Variants in PITX1 observed in about 807,000 individuals in gnomAD.
PITX1 encodes paired like homeodomain 1, also known as pituitary homeobox 1.
A neutral mutation model predicts 24.1 loss-of-function variants in PITX1; 5 were observed. The observed-to-expected ratio is 0.21, with a 90% CI of 0.11 to 0.44. PITX1 has a LOEUF of 0.44. Among genes scored for constraint, PITX1 ranks in the 20% least tolerant of loss-of-function variants. PITX1 has a pLI of 0.99. For synonymous variants in PITX1, 213 were observed against 208.9 expected (o/e 1.02, Z -0.17); for missense variants, 401 against 455.4 (o/e 0.88, Z 1.09).
chr5:135,029,178 G>T lies in PITX1; in HGVS notation c.546C>A (p.Asn182Lys). 1 of 1,614,240 alleles carries T rather than the reference G, an allele frequency of 6.2e-7. No individual in the cohort carries two copies. Among genetic ancestry groups the T allele is most frequent in the Non-Finnish European group, 8.5e-7 (1 of 1,180,038 alleles). ...EDVYAAGYSY[N>K]NWAAKSLAPA... The stretch of plus-strand genomic sequence containing the variant: ...GCGCCAGGCTCTTGGCGGCCCAGTT[G>T]TTGTAGGAGTAGCCGGCGGCGTACA... The change falls in exon 3 of 3, where the codon AAC (asparagine) becomes AAA (lysine). Residue 182 changes from asparagine (N) to lysine (K), a missense_variant. By Grantham distance (94) the Asn-to-Lys change is moderately conservative. Transcript: ENST00000265340.
In PITX1 at chr5:135,033,632, G is replaced by T; in HGVS notation, c.169+81C>A. 2 of 1,396,788 alleles carry T rather than the reference G, an allele frequency of 1.4e-6. No homozygotes were observed. The highest frequency in any genetic ancestry group is 2.4e-5 in the East Asian group (1 of 41,120). 86.5% of individuals were successfully genotyped at this position (1,396,788 alleles called of 1,614,324 possible). ...GAGAGGGAGCTTGGTTGCGCGGCGC[G>T]GGCGTCAGGCCCTGCTCCCAGCTCC... On this transcript the variant is annotated intron_variant, in intron 1 of 2. Coordinates refer to ENST00000265340, the MANE Select transcript of PITX1 (RefSeq NM_002653.5). This position sits in a 1 kb window ranked among gnomAD's most constrained non-coding sequence, Gnocchi z 5.9.
Position 135,031,488 on chromosome 5 carries a change from G to T in PITX1, c.190C>A (p.Pro64Thr). ...GCACCACTGTCCTCGGGCCCCTTGG[G>T]TTCCCCGCCGCGCTCCTTCTCTGCA... ...ELPEKERGGE[P>T]KGPEDSGAGG... The change falls in exon 2 of 3, where the codon CCC (proline) becomes ACC (threonine). Residue 64 changes from proline to threonine, a missense_variant. Around this residue, in one of 3 missense-constraint regions of PITX1, gnomAD observed 136 missense variants for 133.3 expected, o/e 1.02. Transcript: ENST00000265340. The T allele has an allele frequency of 1.9e-6, 3 of 1,612,160 alleles. No individual in the cohort carries two copies. Among genetic ancestry groups the T allele is most frequent in the African/African-American group, 1.3e-5 (1 of 75,048 alleles).
At position 135,031,297 on chromosome 5, in the gene PITX1, G is replaced by T. The variant is rs1243111381; in HGVS notation, c.381C>A (p.Asn127Lys). ...SMREEIAVWT[N>K]LTEPRVRVWF... ...TCACCCGCACGCGCGGCTCGGTGAG[G>T]TTGGTCCACACGGCGATCTCCTCCC... Residue 127 changes from asparagine (N) to lysine (K), a missense_variant, in exon 2 of 3, where the codon AAC becomes AAA. Transcript: ENST00000265340. The T allele has an allele frequency of 6.2e-7, 1 of 1,613,930 alleles. No individual in the cohort carries two copies. Among genetic ancestry groups the T allele is most frequent in the Non-Finnish European group, 8.5e-7 (1 of 1,179,906 alleles).
At position 135,034,198 on chromosome 5, in the gene PITX1, G is replaced by A. The variant is rs1213348015; in HGVS notation, c.-317C>T. On this transcript the variant is annotated 5_prime_UTR_variant, in exon 1 of 3. Coordinates refer to ENST00000265340, the MANE Select transcript of PITX1 (RefSeq NM_002653.5). ...CTCGCGATCCGGGGCCGGTTTCTAA[G>A]GCTCCGGACGGCGCCGGCAGAGTCT... 6.6e-6 allele frequency: 1 copy of A among 151,752 alleles called. No homozygotes were observed. The highest frequency in any genetic ancestry group is 1.5e-5 in the Non-Finnish European group (1 of 67,924). The allele number at this position is 151,752 out of a possible 1,614,324, so 9.4% of individuals were successfully genotyped here. A position where few individuals can be genotyped will look rare whatever the true frequency, so the allele number is the denominator to read the frequency against.
In PITX1 at chr5:135,033,907, C is replaced by T; in HGVS notation, c.-26G>A. 1 of 1,347,330 alleles carries T rather than the reference C, an allele frequency of 7.4e-7. No homozygotes were observed. Among genetic ancestry groups the T allele is most frequent in the Non-Finnish European group, 9.5e-7 (1 of 1,056,126 alleles). The allele number at this position is 1,347,330 out of a possible 1,614,324, so 83.5% of individuals were successfully genotyped here. On this transcript the variant is annotated 5_prime_UTR_variant, in exon 1 of 3. Coordinates refer to ENST00000265340, the MANE Select transcript of PITX1 (RefSeq NM_002653.5). This position sits in a 1 kb window ranked among gnomAD's most constrained non-coding sequence, Gnocchi z 5.9. Reference sequence around the variant, plus strand: ...GGAGGTGGGGACCGCGGCGGGCGCTCCAGGGGCCGGGGCTGGGCGCGCCCC... The same window carrying T: ...GGAGGTGGGGACCGCGGCGGGCGCTTCAGGGGCCGGGGCTGGGCGCGCCCC...
Position 135,033,195 on chromosome 5 carries a change from C to G in PITX1, c.169+518G>C, listed in dbSNP as rs1245492711. On this transcript the variant is annotated intron_variant, in intron 1 of 2. Coordinates refer to ENST00000265340, the MANE Select transcript of PITX1 (RefSeq NM_002653.5). The surrounding 1 kb of genome is among the most constrained non-coding windows in gnomAD (Gnocchi z 5.9). ...CTGTTGGCCCGCTCGCCCTCACCGT[C>G]CTCTGTGTCTCCCTTCTACTTGATG... The G allele has an allele frequency of 1.3e-5, 4 of 318,998 alleles. No homozygotes were observed. Among genetic ancestry groups the G allele is most frequent in the African/African-American group, 9.4e-5 (4 of 42,698 alleles). 19.8% of individuals were successfully genotyped at this position (318,998 alleles called of 1,614,324 possible).
Position 135,028,769 on chromosome 5 carries a change from G to C in PITX1, c.*10C>G, listed in dbSNP as rs759017264. 3.4e-5 allele frequency: 52 copies of C among 1,545,592 alleles called. No homozygotes were observed. The Admixed American group carries it at 4.6e-4, about 14-fold the overall frequency. ...CTCCGGCCGCCGGCCCGCGTGGTGC[G>C]GCGGGGCGGTCAGCTGTTGTACTGG... is the stretch of plus-strand genomic sequence containing the variant. On this transcript the variant is annotated 3_prime_UTR_variant, in exon 3 of 3. Coordinates refer to ENST00000265340, the MANE Select transcript of PITX1 (RefSeq NM_002653.5).
chr5:135,031,153 G>C, intron 2 of PITX1, 123 bp downstream of exon 2: 1 of 749,620 alleles, frequency 1.3e-6, no homozygotes, highest in South Asian at 1.5e-5. Flanking sequence ...GTGGAGGGAG[G>C]GAGCAGGTCT....
chr5:135,029,845 A>G (rs566567371), intron 2 of PITX1, among the ~76,000 whole-genome samples: 22 of 152,046 alleles, frequency 1.4e-4, no homozygotes, highest in Admixed American at 7.9e-4. Flanking sequence ...AGTCCACCCC[A>G]CTGTCTGAAC....
Position 135,033,057 on chromosome 5 carries a change from G to A in PITX1, c.169+656C>T, listed in dbSNP as rs778634123. ...AAAAAAAGGCAGCGCGGAGGGAGAC[G>A]CGCAGGAGCCGGGGCGGGGGCCAGA... On this transcript the variant is annotated intron_variant, in intron 1 of 2. Transcript: ENST00000265340. This position sits in a 1 kb window ranked among gnomAD's most constrained non-coding sequence, Gnocchi z 5.9. 189 of 445,282 alleles carry A rather than the reference G, an allele frequency of 4.2e-4. No homozygotes were observed. The highest frequency in any genetic ancestry group is 7.7e-4 in the Non-Finnish European group (171 of 221,980). The allele number at this position is 445,282 out of a possible 1,614,324, so 27.6% of individuals were successfully genotyped here.
At chr5:135,032,735 C>A in intron 1 of PITX1, 1 of 225,318 alleles carries the variant, frequency 4.4e-6, no homozygotes, top group Non-Finnish European at 9.1e-6. Flanking sequence ...AACCAAAGAC[C>A]GCGCTTAAAA....
intron 1 of PITX1, 64 bp from the exon 2 acceptor site, chr5:135,031,572 TC>T (rs1752450332): frequency 7.4e-7 from 1 of 1,344,404 alleles, no homozygotes; most frequent in African/African-American, 1.4e-5. Context: ...CCGTCCCGGC[TC>T]CACCGAACCG....
Position 135,028,754 on chromosome 5 carries a change from C to T in PITX1, c.*25G>A, listed in dbSNP as rs776153037. 2 of 1,523,510 alleles carry T rather than the reference C, an allele frequency of 1.3e-6. No individual in the cohort carries two copies. The highest frequency in any genetic ancestry group is 2.4e-5 in the East Asian group (1 of 41,320). The allele number at this position is 1,523,510 out of a possible 1,614,324, so 94.4% of individuals were successfully genotyped here. Reference sequence around the variant, plus strand: ...CCGCGCCCTTCCCCGCTCCGGCCGCCGGCCCGCGTGGTGCGGCGGGGCGGT... The same window carrying T: ...CCGCGCCCTTCCCCGCTCCGGCCGCTGGCCCGCGTGGTGCGGCGGGGCGGT... On this transcript the variant is annotated 3_prime_UTR_variant, in exon 3 of 3. Transcript: ENST00000265340.
Position 135,031,409 on chromosome 5 carries a change from C to CGCT in PITX1, c.266_268dup (p.Gln89dup), listed in dbSNP as rs1489077037. 7 of 1,614,068 alleles carry CGCT rather than the reference C, an allele frequency of 4.3e-6. No homozygotes were observed. Among genetic ancestry groups the CGCT allele is most frequent in the South Asian group, 3.3e-5 (3 of 91,084 alleles). ...GCTTGTGAAGTGCGTACGTTGCCGC[C>CGCT]GCTGCTTCTTCTTCTTGGCTGGGTC... On this transcript the variant is annotated inframe_insertion, in exon 2 of 3. Transcript: ENST00000265340.
Position 135,029,198 on chromosome 5 carries a change from C to T in PITX1, c.526G>A (p.Ala176Thr), listed in dbSNP as rs773259804. 3 of 1,614,072 alleles carry T rather than the reference C, an allele frequency of 1.9e-6. No individual in the cohort carries two copies. Among genetic ancestry groups the T allele is most frequent in the Admixed American group, 1.7e-5 (1 of 60,016 alleles). ...CAGTTGTTGTAGGAGTAGCCGGCGGCGTACACGTCCTCGTAGGGCTGCACT... is the reference window on the plus strand; with the variant it reads ...CAGTTGTTGTAGGAGTAGCCGGCGGTGTACACGTCCTCGTAGGGCTGCACT... ...GLVQPYEDVY[A>T]AGYSYNNWAA... is the part of the protein sequence containing the mutation. The change falls in exon 3 of 3, where the codon GCC becomes ACC. Residue 176 changes from alanine to threonine, a missense_variant. Transcript: ENST00000265340.
In PITX1 at chr5:135,033,866, C is replaced by T. The variant is rs553290196; in HGVS notation, c.16G>A (p.Gly6Arg). The T allele has an allele frequency of 7.7e-5, 112 of 1,463,212 alleles. No individual in the cohort carries two copies. In the South Asian group the frequency reaches 1.4e-3, roughly 18 times the overall value. 90.6% of individuals were successfully genotyped at this position (1,463,212 alleles called of 1,614,324 possible). A position where few individuals can be genotyped will look rare whatever the true frequency, so the allele number is the denominator to read the frequency against. Residue 6 changes from glycine (G) to arginine (R), a missense_variant, in exon 1 of 3, where the codon GGG becomes AGG. Around this residue, in one of 3 missense-constraint regions of PITX1, gnomAD observed 136 missense variants for 133.3 expected, o/e 1.02. Coordinates refer to ENST00000265340, the MANE Select transcript of PITX1 (RefSeq NM_002653.5). This position sits in a 1 kb window ranked among gnomAD's most constrained non-coding sequence, Gnocchi z 5.9. ...GGCAGCCGCTCCAGGCTCATGCCCCCCTTGAAGGCGTCCATGGAGGTGGGG... is the reference window on the plus strand; with the variant it reads ...GGCAGCCGCTCCAGGCTCATGCCCCTCTTGAAGGCGTCCATGGAGGTGGGG... MDAFK[G>R]GMSLERLPEG...
At position 135,028,745 on chromosome 5, in the gene PITX1, TCCGGCCG is replaced by T. The variant is rs1561470478; in HGVS notation, c.*27_*33del. 2 of 1,482,874 alleles carry T rather than the reference TCCGGCCG, an allele frequency of 1.3e-6. No homozygotes were observed. The highest frequency in any genetic ancestry group is 2.7e-5 in the South Asian group (2 of 74,374). The allele number at this position is 1,482,874 out of a possible 1,614,324, so 91.9% of individuals were successfully genotyped here. On this transcript the variant is annotated 3_prime_UTR_variant, in exon 3 of 3. Transcript: ENST00000265340. ...CGCCCGCGCCCGCGCCCTTCCCCGC[TCCGGCCG>T]CCGGCCCGCGTGGTGCGGCGGGGCG...
In PITX1 at chr5:135,029,013, C is replaced by A; in HGVS notation, c.711G>T (p.Met237Ile). Residue 237 changes from methionine to isoleucine, a missense_variant, in exon 3 of 3, where the codon ATG (methionine) becomes ATT (isoleucine). By Grantham distance (10) the Met-to-Ile change is conservative. Transcript: ENST00000265340. ...TGATGTTGTTGAGGCCCGAGTTGGG[C>A]ATGCCAGGCACGGCGCCTGGGCCCA... ...SSMGPGAVPG[M>I]PNSGLNNINN... The A allele has an allele frequency of 6.2e-7, 1 of 1,614,204 alleles. No homozygotes were observed.
rs1752517772 is a variant in PITX1, at chr5:135,034,021, C to G, written c.-140G>C. On this transcript the variant is annotated 5_prime_UTR_variant, in exon 1 of 3. Coordinates refer to ENST00000265340, the MANE Select transcript of PITX1 (RefSeq NM_002653.5). ...GCCGGCGCCTGCAGCGACGCCGTGCCCGCCCCATGGACCGCCCGGGGCTGC... is the reference window on the plus strand; with the variant it reads ...GCCGGCGCCTGCAGCGACGCCGTGCGCGCCCCATGGACCGCCCGGGGCTGC... The G allele has an allele frequency of 5.1e-6, 2 of 390,248 alleles. No homozygotes were observed. The highest frequency in any genetic ancestry group is 8.0e-6 in the Non-Finnish European group (2 of 251,048). 24.2% of individuals were successfully genotyped at this position (390,248 alleles called of 1,614,324 possible).
Sources: allele counts gnomAD v4.1 joint callset (sites outside exome capture counted in the v4.1 genomes callset), GRCh38; gene constraint gnomAD v4.1.1; regional missense constraint gnomAD v4.1.1; non-coding constraint Gnocchi (gnomAD v3.1); transcripts MANE v1.5; gene names NCBI Gene and HGNC (gene_info 2026-07-23, HGNC 2026-07-21).